The following SORL1 variants were observed in gnomAD, a reference collection of about 807,000 sequenced individuals.
SORL1 encodes the protein sortilin-related receptor.
SORL1 carries 127 observed loss-of-function variants against 273.7 expected under a neutral mutation model. The observed-to-expected ratio is 0.46, with a 90% CI of 0.40 to 0.54. SORL1 has a LOEUF of 0.54. Ranked by LOEUF, SORL1 falls within the 20% of genes least tolerant of loss-of-function variation. The pLI is 0.00. For synonymous variants in SORL1, 1,031 were observed against 1,067.4 expected, an observed-to-expected ratio of 0.97 and a Z score of 0.66; for missense variants, 2,494 against 2,846.1, an observed-to-expected ratio of 0.88 and a Z score of 2.81.
intron 16 of SORL1, 86 bp from the exon 17 acceptor site, chr11:121,553,851 G>A (rs1862539266): frequency 1.5e-6 from 2 of 1,313,862 alleles, no homozygotes; most frequent in South Asian, 1.4e-5. Flanking sequence ...TGAGGTTTGT[G>A]TATGAGAAAC....
At chr11:121,593,379 G>A (rs10892759) in intron 31 of SORL1, among the ~76,000 whole-genome samples, 71,493 of 152,104 alleles carry the variant, frequency 0.47, 18,080 homozygotes, top group East Asian at 0.66. Context: ...CTGCCTTTCA[G>A]TCGCCACTCA....
chr11:121,566,003 G>A (rs1399055847), intron 21 of SORL1, among the ~76,000 whole-genome samples: 1 of 152,188 alleles, frequency 6.6e-6, no homozygotes, highest in African/African-American at 2.4e-5. Context: ...TAGCTCTTGA[G>A]GGGCACTCTG....
intron 25 of SORL1, 147 bp downstream of exon 25, chr11:121,577,547 C>G (rs1389685738): frequency 1.4e-5 from 12 of 869,508 alleles, no homozygotes; most frequent in Non-Finnish European, 1.8e-5. Context: ...AAGAGCTGGT[C>G]TTTGATGAGA....
intron 41 of SORL1, among the ~76,000 whole-genome samples, chr11:121,618,338 C>T (rs1311666499): frequency 1.3e-5 from 2 of 152,190 alleles, no homozygotes. Context: ...ATCCACTGTG[C>T]AAGCTCCCAT....
chr11:121,473,416 G>A (rs1209447446), intron 2 of SORL1, among the ~76,000 whole-genome samples: 1 of 152,240 alleles, frequency 6.6e-6, no homozygotes, highest in Non-Finnish European at 1.5e-5. Context: ...AACGGCTCCT[G>A]CAGGACTCAT....
intron 25 of SORL1, among the ~76,000 whole-genome samples, chr11:121,580,627 CA>C: frequency 9.6e-6 from 1 of 103,638 alleles, no homozygotes; most frequent in Non-Finnish European, 1.8e-5. Context: ...TTTTTTGAGA[CA>C]GGGTTTTGTC....
In SORL1 at chr11:121,550,096, TCA is replaced by T. The variant is rs750326236; in HGVS notation, c.2180+11_2180+12del. ...TTACAGGAGAACGAGAGGGTATGTATCACAGAGGTTGCCCTGTCAGGTTCTCA... is the reference window on the plus strand; with the variant it reads ...TTACAGGAGAACGAGAGGGTATGTATCAGAGGTTGCCCTGTCAGGTTCTCA... On this transcript the variant is annotated intron_variant, in intron 15 of 47. Transcript: ENST00000260197. This position sits in a 1 kb window ranked among gnomAD's most constrained non-coding sequence, Gnocchi z 5.3. 6.2e-7 allele frequency: 1 copy of T among 1,611,578 alleles called. No homozygotes were observed.
rs184721640 is a variant in SORL1 at position 121,482,878 on chromosome 11, G to T, written c.528+4635G>T. On this transcript the variant is annotated intron_variant, in intron 3 of 47. Transcript: ENST00000260197. Reference sequence around the variant, plus strand: ...GCGCGGCATCCAGTTCCAGTCCGAAGGCTTTGCCTTGTGATGGAGATGGTG... The same window carrying T: ...GCGCGGCATCCAGTTCCAGTCCGAATGCTTTGCCTTGTGATGGAGATGGTG... 8.7e-4 allele frequency among the ~76,000 whole-genome samples: 133 copies of T among 152,350 alleles called. 1 individual carries two copies. The highest frequency in any genetic ancestry group is 3.1e-3 in the African/African-American group (131 of 41,590).
chr11:121,497,110 C>T, intron 6 of SORL1, 61 bp downstream of exon 6: 1 of 1,449,574 alleles, frequency 6.9e-7, no homozygotes, highest in Admixed American at 1.7e-5. Context: ...GTTTGGCATT[C>T]TGTGATTAAA....
At position 121,598,155 on chromosome 11, in the gene SORL1, A is replaced by G. The variant is rs7121701; in HGVS notation, c.4519+2383A>G. On this transcript the variant is annotated intron_variant, in intron 32 of 47. Transcript: ENST00000260197. Reference sequence around the variant, plus strand: ...AAGATTTCAGAGATGGGGTGTTTATATCTTAGATCACTTGGACTTCATCAT... The same window carrying G: ...AAGATTTCAGAGATGGGGTGTTTATGTCTTAGATCACTTGGACTTCATCAT... Among the ~76,000 whole-genome samples, 951 of 152,222 alleles carry G rather than the reference A, an allele frequency of 6.2e-3. 14 individuals carry two copies. The highest frequency in any genetic ancestry group is 0.022 in the African/African-American group (894 of 41,536).
At chr11:121,501,768 A>G (rs1467818746) in intron 6 of SORL1, among the ~76,000 whole-genome samples, 1 of 152,190 alleles carries the variant, frequency 6.6e-6, no homozygotes, top group African/African-American at 2.4e-5. Context: ...CCCTCCCATG[A>G]CATGTGGGGA....
intron 31 of SORL1, among the ~76,000 whole-genome samples, chr11:121,594,668 A>G (rs765661520): frequency 2.2e-4 from 33 of 151,980 alleles, no homozygotes; most frequent in African/African-American, 8.0e-4. Context: ...CAAAGCCTCT[A>G]TTTCCTCCAA....
intron 45 of SORL1, among the ~76,000 whole-genome samples, chr11:121,623,285 A>G (rs1030677954): frequency 9.9e-5 from 15 of 152,258 alleles, no homozygotes; most frequent in Non-Finnish European, 1.8e-4. Flanking sequence ...AGGGAAGAGT[A>G]TAACTGGTAT....
intron 8 of SORL1, among the ~76,000 whole-genome samples, chr11:121,517,649 AG>A (rs939625841): frequency 6.6e-6 from 1 of 152,198 alleles, no homozygotes; most frequent in Non-Finnish European, 1.5e-5. Flanking sequence ...CAGAAGCCAG[AG>A]CGATGGCCCT....
chr11:121,467,023 TTTTTTTC>T (rs1359362976), intron 1 of SORL1, among the ~76,000 whole-genome samples: 1 of 98,442 alleles, frequency 1.0e-5, no homozygotes, highest in African/African-American at 4.9e-5. Flanking sequence ...AGAGGTTTTC[TTTTTTTC>T]TTTTTTTTTT....
Position 121,452,839 on chromosome 11 carries a change from G to A in SORL1, c.285+223G>A. 1 of 476,120 alleles carries A rather than the reference G, an allele frequency of 2.1e-6. No individual in the cohort carries two copies. Among genetic ancestry groups the A allele is most frequent in the Non-Finnish European group, 3.7e-6 (1 of 273,878 alleles). The allele number at this position is 476,120 out of a possible 1,614,324, so 29.5% of individuals were successfully genotyped here. A position where few individuals can be genotyped will look rare whatever the true frequency, so the allele number is the denominator to read the frequency against. ...GTAAACGTATTCCAGGTAACTCGCC[G>A]GGTGCAGTGCGTATTACCCCAGGGT... On this transcript the variant is annotated intron_variant, in intron 1 of 47. Coordinates refer to ENST00000260197, the MANE Select transcript of SORL1 (RefSeq NM_003105.6). This position sits in a 1 kb window ranked among gnomAD's most constrained non-coding sequence, Gnocchi z 5.3.
intron 10 of SORL1, 55 bp from the exon 11 acceptor site, chr11:121,522,861 G>A (rs1407371965): frequency 1.3e-5 from 19 of 1,506,584 alleles, no homozygotes; most frequent in Non-Finnish European, 1.8e-5. Flanking sequence ...GCTGGGCAAG[G>A]TGATTATCTG....
chr11:121,462,927 TACTTATTG>T (rs1472629665), intron 1 of SORL1, among the ~76,000 whole-genome samples: 1 of 152,178 alleles, frequency 6.6e-6, no homozygotes, highest in Non-Finnish European at 1.5e-5. Flanking sequence ...GCTTGATAAA[TACTTATTG>T]ACTGAACGCG....
Position 121,554,100 on chromosome 11 carries a change from C to T in SORL1, c.2430C>T (p.Asp810=), listed in dbSNP as rs370375010. 1.2e-5 allele frequency: 20 copies of T among 1,613,660 alleles called. No homozygotes were observed. The highest frequency in any genetic ancestry group is 8.9e-5 in the East Asian group (4 of 44,882). The change falls in exon 17 of 48, where the codon GAC becomes GAT. Residue 810 remains aspartate (D), a synonymous_variant. Coordinates refer to ENST00000260197, the MANE Select transcript of SORL1 (RefSeq NM_003105.6). This position sits in a 1 kb window ranked among gnomAD's most constrained non-coding sequence, Gnocchi z 4.6. The part of the protein sequence containing the change: ...NCLYWSDLAL[D]VIQRLCLNGS... The stretch of plus-strand genomic sequence containing the variant: ...TGTATTGGTCCGACCTGGCCTTGGA[C>T]GTCATCCAGGTGAGTCAGCGCTTGG...
Sources: allele counts gnomAD v4.1 joint callset (sites outside exome capture counted in the v4.1 genomes callset), GRCh38; gene constraint gnomAD v4.1.1; non-coding constraint Gnocchi (gnomAD v3.1); transcripts MANE v1.5; gene names NCBI Gene and HGNC (gene_info 2026-07-23, HGNC 2026-07-21).